The following ZNF536 variants were observed in gnomAD, a reference collection of about 807,000 sequenced individuals.
The protein encoded by ZNF536 is zinc finger protein 536.
Under a neutral mutation model 84.5 loss-of-function variants are expected in ZNF536, and 13 were observed. The ratio of observed to expected loss-of-function variants is 0.15; its 90% CI spans 0.10 to 0.24. The LOEUF (loss-of-function observed/expected upper bound fraction) is 0.24, where lower values mean the gene tolerates loss of function less well. Ranked by LOEUF, ZNF536 falls within the 10% of genes least tolerant of loss-of-function variation. The pLI, the probability that ZNF536 is intolerant of heterozygous loss-of-function variation, is 1.00. For synonymous variants in ZNF536, 811 were observed against 742.5 expected (o/e 1.09, Z -1.50); for missense variants, 1,536 against 1,747.5 (o/e 0.88, Z 2.16).
At chr19:30,614,518 G>C (rs947038496) in intron 1 of ZNF536, among the ~76,000 whole-genome samples, 2 of 151,886 alleles carry the variant, frequency 1.3e-5, no homozygotes, top group African/African-American at 4.8e-5. Context: ...CCAAGAAGCA[G>C]GACTTCCCAA....
At chr19:30,693,442 G>A (rs369885616) in intron 1 of ZNF536, among the ~76,000 whole-genome samples, 4 of 152,172 alleles carry the variant, frequency 2.6e-5, no homozygotes, top group Middle Eastern at 3.2e-3. Context: ...GCAGCTGGGT[G>A]CGGACATCTG....
At chr19:30,569,965 G>C (rs897239545) in intron 1 of ZNF536, among the ~76,000 whole-genome samples, 1 of 152,158 alleles carries the variant, frequency 6.6e-6, no homozygotes, top group Admixed American at 6.5e-5. Context: ...TTCTCCCCTG[G>C]GGGACACTTA....
chr19:30,672,732 C>A (rs1006224472), intron 1 of ZNF536, among the ~76,000 whole-genome samples: 3 of 152,122 alleles, frequency 2.0e-5, no homozygotes, highest in African/African-American at 7.2e-5. Context: ...GAATCATACC[C>A]TAAGATAAGG....
At chr19:30,306,398 C>G (rs934821475) in intron 2 of ZNF536, among the ~76,000 whole-genome samples, 2 of 152,144 alleles carry the variant, frequency 1.3e-5, no homozygotes, top group Admixed American at 6.5e-5. Flanking sequence ...CTTTTCTCTG[C>G]TTATTCATGT....
intron 1 of ZNF536, among the ~76,000 whole-genome samples, chr19:30,661,060 G>A (rs928251417): frequency 6.6e-6 from 1 of 152,110 alleles, no homozygotes; most frequent in South Asian, 2.1e-4. Flanking sequence ...TTCCGTGATC[G>A]GAATTTTGGA....
intron 2 of ZNF536, among the ~76,000 whole-genome samples, chr19:30,525,814 C>T (rs560816080): frequency 6.6e-6 from 1 of 152,242 alleles, no homozygotes; most frequent in African/African-American, 2.4e-5. Context: ...AGTTGGGAAC[C>T]AGCCTCAGAG....
upstream of ZNF536, among the ~76,000 whole-genome samples, chr19:30,369,351 A>T (rs2048537398): frequency 6.6e-6 from 1 of 152,184 alleles, no homozygotes. Flanking sequence ...CCACTCAAGG[A>T]TTTTGATCTC....
At chr19:30,521,289 G>A (rs1172287449) in intron 2 of ZNF536, among the ~76,000 whole-genome samples, 1 of 152,216 alleles carries the variant, frequency 6.6e-6, no homozygotes, top group Non-Finnish European at 1.5e-5. Context: ...GCATGTCTGG[G>A]GGCTGTGGGG....
At position 30,549,015 on chromosome 19, in the gene ZNF536, C is replaced by G. The variant is rs748606016; in HGVS notation, c.3396C>G (p.Asn1132Lys). The part of the protein sequence containing the change: ...VGSGASSSCP[N>K]KEPDGKAHSE... ...CAGGGGCCTCCAGTTCCTGCCCCAA[C>G]AAGGAGCCTGATGGAAAGGCCCACT... is the stretch of plus-strand genomic sequence containing the variant. Residue 1132 changes from asparagine to lysine, a missense_variant, in exon 4 of 5, where the codon AAC (asparagine) becomes AAG (lysine). Asn to Lys is a moderately conservative substitution (Grantham distance 94, BLOSUM62 0). Transcript: ENST00000355537. 1 of 1,614,184 alleles carries G rather than the reference C, an allele frequency of 6.2e-7. No individual in the cohort carries two copies. Among genetic ancestry groups the G allele is most frequent in the South Asian group, 1.1e-5 (1 of 91,086 alleles).
chr19:30,477,380 A>T (rs2053893224), intron 2 of ZNF536, among the ~76,000 whole-genome samples: 1 of 152,214 alleles, frequency 6.6e-6, no homozygotes, highest in Admixed American at 6.5e-5. Context: ...CATGATATTC[A>T]TACACAGCAG....
intron 2 of ZNF536, among the ~76,000 whole-genome samples, chr19:30,498,057 A>G (rs1313599034): frequency 6.6e-6 from 1 of 152,236 alleles, no homozygotes; most frequent in Non-Finnish European, 1.5e-5. Flanking sequence ...AGAACCAGAA[A>G]TACCATTTGA....
At chr19:30,667,519 A>G (rs1270374571) in intron 1 of ZNF536, among the ~76,000 whole-genome samples, 1 of 152,070 alleles carries the variant, frequency 6.6e-6, no homozygotes, top group Non-Finnish European at 1.5e-5. Flanking sequence ...GAGACCTGAA[A>G]TGCCGAAGTG....
intron 1 of ZNF536, among the ~76,000 whole-genome samples, chr19:30,672,376 T>G (rs1012694676): frequency 2.6e-5 from 4 of 152,206 alleles, no homozygotes; most frequent in African/African-American, 7.2e-5. Context: ...TACATTAGAA[T>G]GCATGCGTTT....
chr19:30,621,557 G>A lies in ZNF536; in HGVS notation c.169+72043G>A, dbSNP rs111316112. ...CTCCATTTTCTTTGAAAGCTATGCA[G>A]GGTGGCCTCCAAGCGCCAGACCTAA... On this transcript the variant is annotated intron_variant, in intron 1 of 1. Transcript: ENST00000592773. Among the ~76,000 whole-genome samples, 601 of 152,346 alleles carry A rather than the reference G, an allele frequency of 3.9e-3. 6 individuals carry two copies. The highest frequency in any genetic ancestry group is 0.013 in the African/African-American group (557 of 41,578).
chr19:30,436,131 G>C (rs2051735841), intron 1 of ZNF536, among the ~76,000 whole-genome samples: 1 of 152,154 alleles, frequency 6.6e-6, no homozygotes, highest in Non-Finnish European at 1.5e-5. Flanking sequence ...AAGTCAGTGA[G>C]GGCCTTGACT....
chr19:30,227,415 G>C (rs954846679), upstream of ZNF536, among the ~76,000 whole-genome samples: 3 of 152,236 alleles, frequency 2.0e-5, no homozygotes, highest in East Asian at 5.8e-4. Context: ...GCTGGGGGCC[G>C]AGAAAGAGCA....
At chr19:30,651,489 T>C (rs1029894089) in intron 1 of ZNF536, among the ~76,000 whole-genome samples, 1 of 152,220 alleles carries the variant, frequency 6.6e-6, no homozygotes, top group Non-Finnish European at 1.5e-5. Flanking sequence ...TGCTGTGATT[T>C]ATTTTTAAAA....
At chr19:30,333,221 G>A (rs2047272615) in intron 2 of ZNF536, among the ~76,000 whole-genome samples, 1 of 152,190 alleles carries the variant, frequency 6.6e-6, no homozygotes, top group Admixed American at 6.5e-5. Flanking sequence ...CTGAAAGAGA[G>A]CACAGTTCCA....
chr19:30,556,929 A>G (rs544513465), intron 4 of ZNF536: 3 of 512,018 alleles, frequency 5.9e-6, no homozygotes, highest in Non-Finnish European at 1.0e-5. Context: ...ATTATCTCCT[A>G]TTACTTAGTG....
Sources: allele counts gnomAD v4.1 joint callset (sites outside exome capture counted in the v4.1 genomes callset), GRCh38; gene constraint gnomAD v4.1.1; transcripts MANE v1.5; gene names NCBI Gene and HGNC (gene_info 2026-07-23, HGNC 2026-07-21).